Variants in PRKAR1A observed in about 807,000 individuals in gnomAD.
PRKAR1A encodes the protein protein kinase cAMP-dependent type I regulatory subunit alpha.
PRKAR1A carries 3 observed loss-of-function variants against 52.0 expected under a neutral mutation model. The observed-to-expected ratio is 0.06, with a 90% CI of 0.03 to 0.15. The LOEUF is 0.15. Among genes scored for constraint, PRKAR1A ranks in the 10% least tolerant of loss-of-function variants. PRKAR1A has a pLI of 1.00. For missense variants in PRKAR1A, 240 were observed against 477.4 expected, an observed-to-expected ratio of 0.50 and a Z score of 4.63; for synonymous variants, 188 against 168.4, an observed-to-expected ratio of 1.12 and a Z score of -0.90.
intron 1 of PRKAR1A, chr17:68,513,005 C>T (rs1042381750): frequency 2.6e-5 from 4 of 152,448 alleles, no homozygotes; most frequent in Non-Finnish European, 5.9e-5. Flanking sequence ...CTTTTGACGA[C>T]TCGTCATTGC....
At chr17:68,496,462 G>A in the PRKAR1A span, among the ~76,000 whole-genome samples, 2 of 152,160 alleles carry the variant, frequency 1.3e-5, no homozygotes, top group Admixed American at 6.5e-5. Context: ...CACCGGCCAC[G>A]TCCAGATAAT....
At chr17:68,526,021 TTC>T (rs2085779085) in intron 7 of PRKAR1A, 109 bp downstream of exon 7, 7 of 1,366,354 alleles carry the variant, frequency 5.1e-6, no homozygotes, top group Non-Finnish European at 7.0e-6. Flanking sequence ...GAGCAAATAT[TTC>T]TTTCTTTTAA....
chr17:68,433,779 T>G, the PRKAR1A span, among the ~76,000 whole-genome samples: 100 of 70,574 alleles, frequency 1.4e-3, no homozygotes, highest in Non-Finnish European at 2.8e-3. Context: ...TTTTTTTTTT[T>G]TTTTTTTTTT....
the PRKAR1A span, chr17:68,428,674 C>T: frequency 1.0e-3 from 605 of 604,444 alleles, 4 homozygotes; most frequent in African/African-American, 9.3e-3. Flanking sequence ...ACACAGAGCC[C>T]GGTGCAGAGC....
chr17:68,506,972 T>C (rs1272313630), upstream of PRKAR1A, among the ~76,000 whole-genome samples: 2 of 152,122 alleles, frequency 1.3e-5, no homozygotes, highest in Non-Finnish European at 2.9e-5. Flanking sequence ...AGGCTGTGTG[T>C]GTATGTTTGT....
At chr17:68,436,502 T>C in the PRKAR1A span, 6 of 1,608,144 alleles carry the variant, frequency 3.7e-6, no homozygotes, top group Admixed American at 3.3e-5. Flanking sequence ...AAACAGAACA[T>C]GAGAAGCCTG....
chr17:68,550,999 T>G, intron 11 of PRKAR1A: 1 of 1,108,554 alleles, frequency 9.0e-7, no homozygotes, highest in Non-Finnish European at 1.1e-6. Context: ...CCAGTCTAAT[T>G]GTATTCCACT....
At chr17:68,439,804 C>T in the PRKAR1A span, among the ~76,000 whole-genome samples, 425 of 152,276 alleles carry the variant, frequency 2.8e-3, 5 homozygotes, top group Middle Eastern at 3.4e-3. Context: ...GAAATGAAGG[C>T]TACCGTGATA....
At chr17:68,444,664 T>A in the PRKAR1A span, 1 of 1,248,710 alleles carries the variant, frequency 8.0e-7, no homozygotes, top group Admixed American at 2.2e-5. Context: ...ATCATTCATC[T>A]TTCATATGAG....
intron 7 of PRKAR1A, among the ~76,000 whole-genome samples, 191 bp downstream of exon 7, chr17:68,526,103 C>CATT (rs2085782841): frequency 6.6e-6 from 1 of 152,098 alleles, no homozygotes; most frequent in African/African-American, 2.4e-5. Flanking sequence ...TTCATTATGC[C>CATT]ATTTTAGGCA....
At position 68,528,859 on chromosome 17, in the gene PRKAR1A, T is replaced by C; in HGVS notation, c.770-11T>C. ...TAATACAGAGCAGTTATTTTGATTC[T>C]TGTCTTTCAGAGTCTCTGGACAAGT... On this transcript the variant is annotated splice_polypyrimidine_tract_variant and intron_variant, in intron 8 of 10. Coordinates refer to ENST00000589228, the MANE Select transcript of PRKAR1A (RefSeq NM_002734.5). 1 of 1,613,718 alleles carries C rather than the reference T, an allele frequency of 6.2e-7. No homozygotes were observed. Among genetic ancestry groups the C allele is most frequent in the Non-Finnish European group, 8.5e-7 (1 of 1,179,624 alleles).
intron 2 of PRKAR1A, among the ~76,000 whole-genome samples, chr17:68,519,032 A>T (rs2085520509): frequency 6.6e-6 from 1 of 152,104 alleles, no homozygotes; most frequent in Non-Finnish European, 1.5e-5. Flanking sequence ...CATTGTCCAT[A>T]TTACTATCAG....
the PRKAR1A span, chr17:68,453,070 C>T: frequency 1.7e-6 from 2 of 1,205,540 alleles, no homozygotes; most frequent in Non-Finnish European, 2.4e-6. Context: ...ATGCCTTTTG[C>T]CCCCTAGCCT....
At chr17:68,537,373 C>T (rs751996358), downstream of PRKAR1A, 17 of 1,461,170 alleles carry the variant, frequency 1.2e-5, no homozygotes, top group East Asian at 2.3e-5. This position sits in a 1 kb window ranked among gnomAD's most constrained non-coding sequence, Gnocchi z 4.2. Flanking sequence ...TCCTAGCTGA[C>T]TTGACTCCCA....
intron 2 of PRKAR1A, among the ~76,000 whole-genome samples, chr17:68,516,089 C>G (rs1401466448): frequency 1.3e-5 from 2 of 152,024 alleles, no homozygotes; most frequent in African/African-American, 4.8e-5. Context: ...TGATAAATTA[C>G]TGTAGAGATA....
downstream of PRKAR1A, chr17:68,536,375 T>G (rs2086096488): frequency 2.2e-6 from 1 of 454,136 alleles, no homozygotes; most frequent in Non-Finnish European, 4.4e-6. Flanking sequence ...TTTCGGTCAT[T>G]AATTATGGAA....
chr17:68,519,308 C>T (rs1438596174), intron 2 of PRKAR1A, among the ~76,000 whole-genome samples: 2 of 152,214 alleles, frequency 1.3e-5, no homozygotes, highest in African/African-American at 2.4e-5. Context: ...CACAGTTCCT[C>T]ATGGCTGGGC....
the PRKAR1A span, among the ~76,000 whole-genome samples, chr17:68,478,264 C>T: frequency 4.6e-5 from 7 of 152,034 alleles, no homozygotes; most frequent in Admixed American, 4.6e-4. Flanking sequence ...CTATCCTGGC[C>T]AACATGGTGA....
the PRKAR1A span, chr17:68,433,368 T>G: frequency 9.1e-7 from 1 of 1,104,498 alleles, no homozygotes; most frequent in Non-Finnish European, 1.4e-6. Context: ...GAAGCCAAGA[T>G]TGGGTGTTCA....
Sources: allele counts gnomAD v4.1 joint callset (sites outside exome capture counted in the v4.1 genomes callset), GRCh38; gene constraint gnomAD v4.1.1; non-coding constraint Gnocchi (gnomAD v3.1); transcripts MANE v1.5; gene names NCBI Gene and HGNC (gene_info 2026-07-23, HGNC 2026-07-21).